TMEFF1: variants seen among roughly 807,000 people sequenced by gnomAD.
TMEFF1 encodes the protein transmembrane protein with EGF like and two follistatin like domains 1, also known as tomoregulin-1.
TMEFF1 carries 20 observed loss-of-function variants against 47.5 expected under a neutral mutation model. The ratio of observed to expected loss-of-function variants is 0.42; its 90% CI spans 0.30 to 0.61. The LOEUF is 0.61. Among genes scored for constraint, TMEFF1 ranks in the 20% least tolerant of loss-of-function variants. TMEFF1 has a pLI of 0.19. For missense variants in TMEFF1, 411 were observed against 471.1 expected, an observed-to-expected ratio of 0.87 and a Z score of 1.18; for synonymous variants, 162 against 166.3, an observed-to-expected ratio of 0.97 and a Z score of 0.20.
At chr9:100,524,053 G>A (rs184450868) in intron 5 of TMEFF1, among the ~76,000 whole-genome samples, 158 of 152,048 alleles carry the variant, frequency 1.0e-3, no homozygotes, top group Non-Finnish European at 5.9e-4. Context: ...TCACTCAGTT[G>A]CCTTCACTAG....
chr9:100,562,507 C>T (rs888336470), intron 8 of TMEFF1, among the ~76,000 whole-genome samples: 1 of 152,040 alleles, frequency 6.6e-6, no homozygotes, highest in Non-Finnish European at 1.5e-5. Context: ...TTCTTTAAGA[C>T]ATTTGCTTTT....
At chr9:100,482,396 C>A (rs1479031365) in intron 1 of TMEFF1, among the ~76,000 whole-genome samples, 1 of 151,482 alleles carries the variant, frequency 6.6e-6, no homozygotes, top group Non-Finnish European at 1.5e-5. Flanking sequence ...CGGGTTTTCA[C>A]CATATTGGCC....
intron 8 of TMEFF1, among the ~76,000 whole-genome samples, chr9:100,566,935 TG>T (rs1839137928): frequency 6.6e-6 from 1 of 152,082 alleles, no homozygotes; most frequent in African/African-American, 2.4e-5. Flanking sequence ...TGCATTTTTT[TG>T]TAGACAGTTT....
chr9:100,530,041 C>G (rs1312983235), intron 5 of TMEFF1, among the ~76,000 whole-genome samples: 2 of 151,768 alleles, frequency 1.3e-5, no homozygotes, highest in Non-Finnish European at 2.9e-5. Context: ...TTCTTTGAAA[C>G]CAACGAGAAC....
intron 8 of TMEFF1, among the ~76,000 whole-genome samples, chr9:100,567,026 C>A (rs1346995814): frequency 6.6e-6 from 1 of 152,142 alleles, no homozygotes; most frequent in African/African-American, 2.4e-5. Context: ...GCAGAGTGAA[C>A]CTTTTAAAAT....
At chr9:100,525,763 C>G (rs1158440314) in intron 5 of TMEFF1, among the ~76,000 whole-genome samples, 5 of 152,064 alleles carry the variant, frequency 3.3e-5, no homozygotes, top group Non-Finnish European at 5.9e-5. Context: ...ACTCCCTGCC[C>G]CCTCACCCCA....
intron 5 of TMEFF1, among the ~76,000 whole-genome samples, chr9:100,519,007 A>G (rs1838116781): frequency 6.6e-6 from 1 of 152,234 alleles, no homozygotes; most frequent in Non-Finnish European, 1.5e-5. Context: ...TTCCTTATTA[A>G]AAGATAAACT....
chr9:100,572,468 G>C, intron 8 of TMEFF1, 50 bp from the exon 9 acceptor site: 1 of 1,473,448 alleles, frequency 6.8e-7, no homozygotes, highest in Non-Finnish European at 9.0e-7. Flanking sequence ...AAGCTTGGGA[G>C]TATCAAAATT....
chr9:100,532,486 A>C (rs1263577084), intron 5 of TMEFF1, among the ~76,000 whole-genome samples: 1 of 152,182 alleles, frequency 6.6e-6, no homozygotes, highest in Non-Finnish European at 1.5e-5. Flanking sequence ...CACATGAAAA[A>C]ATGCTCATCA....
At chr9:100,555,195 GCA>G (rs139683465) in intron 7 of TMEFF1, among the ~76,000 whole-genome samples, 12 of 135,580 alleles carry the variant, frequency 8.9e-5, no homozygotes, top group Non-Finnish European at 1.6e-4. Context: ...ACACACACAC[GCA>G]CACACATTGT....
intron 8 of TMEFF1, among the ~76,000 whole-genome samples, chr9:100,562,119 A>G (rs1839029298): frequency 6.6e-6 from 1 of 152,040 alleles, no homozygotes; most frequent in African/African-American, 2.4e-5. Flanking sequence ...CTGCGGATAC[A>G]CCTTTTTGCT....
intron 6 of TMEFF1, among the ~76,000 whole-genome samples, chr9:100,548,821 A>G (rs1838783515): frequency 6.6e-6 from 1 of 152,166 alleles, no homozygotes; most frequent in Admixed American, 6.5e-5. Flanking sequence ...AGCTCATCAG[A>G]CAATTTTTAG....
At chr9:100,525,203 G>C (rs1219082338) in intron 5 of TMEFF1, among the ~76,000 whole-genome samples, 1 of 152,076 alleles carries the variant, frequency 6.6e-6, no homozygotes, top group Non-Finnish European at 1.5e-5. Context: ...ACACTACCTA[G>C]ATGTCCAACA....
chr9:100,473,463 G>A lies in TMEFF1; in HGVS notation c.-82G>A. 1 of 1,132,776 alleles carries A rather than the reference G, an allele frequency of 8.8e-7. No homozygotes were observed. Among genetic ancestry groups the A allele is most frequent in the East Asian group, 3.3e-5 (1 of 30,032 alleles). 70.2% of individuals were successfully genotyped at this position (1,132,776 alleles called of 1,614,324 possible). ...GGCGCGGCTGCTAGGAGGCACCGAG[G>A]CAGCGGCGGGGCTCTGGGCGCGCGG... On this transcript the variant is annotated 5_prime_UTR_variant, in exon 1 of 10. Coordinates refer to ENST00000374879, the MANE Select transcript of TMEFF1 (RefSeq NM_003692.5). The surrounding 1 kb of genome is among the most constrained non-coding windows in gnomAD (Gnocchi z 5.4).
intron 2 of TMEFF1, among the ~76,000 whole-genome samples, chr9:100,504,263 G>A (rs1159488628): frequency 6.6e-6 from 1 of 152,160 alleles, no homozygotes; most frequent in African/African-American, 2.4e-5. Flanking sequence ...TTGTCCATTA[G>A]CATAATTAGA....
chr9:100,518,277 T>A (rs1838106818), intron 5 of TMEFF1: 1 of 220,608 alleles, frequency 4.5e-6, no homozygotes, highest in East Asian at 1.8e-4. Context: ...GACATCTACA[T>A]GATAAAATAC....
At chr9:100,485,314 A>C (rs947010725) in intron 1 of TMEFF1, among the ~76,000 whole-genome samples, 1 of 152,190 alleles carries the variant, frequency 6.6e-6, no homozygotes. Context: ...TCTTGGGTGT[A>C]TGTATTCCAC....
chr9:100,498,694 C>T, intron 1 of TMEFF1, 71 bp from the exon 2 acceptor site: 2 of 1,418,700 alleles, frequency 1.4e-6, no homozygotes, highest in South Asian at 1.2e-5. Flanking sequence ...TACACACACA[C>T]ACACGCGCAC....
intron 1 of TMEFF1, among the ~76,000 whole-genome samples, chr9:100,487,248 C>T (rs1837467019): frequency 6.6e-6 from 1 of 152,158 alleles, no homozygotes; most frequent in South Asian, 2.1e-4. Flanking sequence ...ACTGCAACCT[C>T]TACCTCCTGG....
Sources: allele counts gnomAD v4.1 joint callset (sites outside exome capture counted in the v4.1 genomes callset), GRCh38; gene constraint gnomAD v4.1.1; non-coding constraint Gnocchi (gnomAD v3.1); transcripts MANE v1.5; gene names NCBI Gene and HGNC (gene_info 2026-07-23, HGNC 2026-07-21).